Variants in SH2B3 observed in about 807,000 individuals in gnomAD.
SH2B3 encodes SH2B adapter protein 3.
SH2B3 carries 43 observed loss-of-function variants against 51.9 expected under a neutral mutation model. The ratio of observed to expected loss-of-function variants is 0.83; its 90% confidence interval spans 0.65 to 1.07. SH2B3 has a LOEUF of 1.07. SH2B3 is among the 50% of genes least tolerant of loss of function. The pLI is 0.00. For synonymous variants in SH2B3, 396 were observed against 376.0 expected, an observed-to-expected ratio of 1.05 and a Z score of -0.62; for missense variants, 952 against 834.3, an observed-to-expected ratio of 1.14 and a Z score of -1.74.
rs192820603 is a variant in SH2B3 at position 111,407,776 on chromosome 12, C to A, written c.-28+1499C>A. Among the ~76,000 whole-genome samples, 24 of 152,050 alleles carry A rather than the reference C, an allele frequency of 1.6e-4. No homozygotes were observed. Among genetic ancestry groups the A allele is most frequent in the Non-Finnish European group, 3.4e-4 (23 of 67,962 alleles). On this transcript the variant is annotated intron_variant, in intron 1 of 7. Coordinates refer to ENST00000341259, the MANE Select transcript of SH2B3 (RefSeq NM_005475.3). The surrounding 1 kb of genome is among the most constrained non-coding windows in gnomAD (Gnocchi z 4.3). ...CAGCTGGGAAGGGGCTGGCTCAGAG[C>A]ATCAGCAGCTGGGGGCTCAGGGTCT... is the stretch of plus-strand genomic sequence containing the variant.
upstream of SH2B3, among the ~76,000 whole-genome samples, chr12:111,404,885 G>A (rs999132861): frequency 2.6e-5 from 4 of 152,358 alleles, no homozygotes; most frequent in African/African-American, 9.6e-5. Flanking sequence ...CATTTGCCCG[G>A]GTAGGAAGAG....
chr12:111,409,584 C>T lies in SH2B3; in HGVS notation c.-28+3307C>T, dbSNP rs566408594. Among the ~76,000 whole-genome samples, 3 of 152,160 alleles carry T rather than the reference C, an allele frequency of 2.0e-5. No homozygotes were observed. Among genetic ancestry groups the T allele is most frequent in the Non-Finnish European group, 2.9e-5 (2 of 68,024 alleles). ...CCCACCCTTCCCAAGGAAACTGAGGCGGGCAGGCTGCCCAGGGGAAGTGAC... is the reference window on the plus strand; with the variant it reads ...CCCACCCTTCCCAAGGAAACTGAGGTGGGCAGGCTGCCCAGGGGAAGTGAC... On this transcript the variant is annotated intron_variant, in intron 1 of 7. Coordinates refer to ENST00000341259, the MANE Select transcript of SH2B3 (RefSeq NM_005475.3). The surrounding 1 kb of genome is among the most constrained non-coding windows in gnomAD (Gnocchi z 4.0).
intron 2 of SH2B3, among the ~76,000 whole-genome samples, chr12:111,424,007 G>C (rs1871779908): frequency 6.6e-6 from 1 of 152,234 alleles, no homozygotes; most frequent in Non-Finnish European, 1.5e-5. Context: ...AGCTACTACG[G>C]AGGCTGAGGC....
chr12:111,426,610 G>A (rs1872024882), intron 2 of SH2B3, among the ~76,000 whole-genome samples: 2 of 152,142 alleles, frequency 1.3e-5, no homozygotes, highest in African/African-American at 2.4e-5. Flanking sequence ...TTGCTTCTGA[G>A]GGCCCCTTCT....
At chr12:111,437,390 G>C (rs1409855760) in intron 2 of SH2B3, among the ~76,000 whole-genome samples, 1 of 152,152 alleles carries the variant, frequency 6.6e-6, no homozygotes, top group Admixed American at 6.5e-5. Flanking sequence ...TGTGGGGAAA[G>C]GGCACCTGAG....
chr12:111,433,204 A>G lies in SH2B3; in HGVS notation c.733-13549A>G, dbSNP rs915762929. ...CTGTCTCTACTAAAAATCAAAAATT[A>G]GCTGGGCGTGGTGGTGGATACCTTT... On this transcript the variant is annotated intron_variant, in intron 2 of 7. Coordinates refer to ENST00000341259, the MANE Select transcript of SH2B3 (RefSeq NM_005475.3). Among the ~76,000 whole-genome samples, 3 of 152,298 alleles carry G rather than the reference A, an allele frequency of 2.0e-5. No homozygotes were observed. The East Asian group carries it at 5.8e-4, about 29-fold the overall frequency.
At chr12:111,445,381 G>A (rs1490736175) in intron 2 of SH2B3, among the ~76,000 whole-genome samples, 10 of 152,200 alleles carry the variant, frequency 6.6e-5, no homozygotes, top group East Asian at 3.8e-4. Context: ...GGGCAAGAGC[G>A]CAGAGGCCCC....
rs1395194047 is a variant in SH2B3 at position 111,449,043 on chromosome 12, C to T, written c.*741C>T. The stretch of plus-strand genomic sequence containing the variant: ...CATGCTGGCTTGTCTACTGCATCCT[C>T]GGGACAGTCACCTGCCACTGAGTGG... On this transcript the variant is annotated 3_prime_UTR_variant, in exon 8 of 8. Coordinates refer to ENST00000341259, the MANE Select transcript of SH2B3 (RefSeq NM_005475.3). 2 of 152,624 alleles carry T rather than the reference C, an allele frequency of 1.3e-5. No individual in the cohort carries two copies. The highest frequency in any genetic ancestry group is 4.8e-5 in the African/African-American group (2 of 41,436). The allele number at this position is 152,624 out of a possible 1,614,324, so 9.5% of individuals were successfully genotyped here.
rs1187991360 is a variant in SH2B3, at chr12:111,418,627, C to T, written c.482C>T (p.Ala161Val). 2.7e-6 allele frequency: 4 copies of T among 1,475,916 alleles called. No individual in the cohort carries two copies. The highest frequency in any genetic ancestry group is 2.2e-4 in the Middle Eastern group (1 of 4,520). 91.4% of individuals were successfully genotyped at this position (1,475,916 alleles called of 1,614,324 possible). The change falls in exon 2 of 8, where the codon GCC becomes GTC. Residue 161 changes from alanine (A) to valine (V), a missense_variant. Transcript: ENST00000341259. The surrounding 1 kb of genome is among the most constrained non-coding windows in gnomAD (Gnocchi z 6.7). ...GAGCTGCCAGCGGCCCACACCGCTG[C>T]CGCCCCCGGGACCCCCGGAGAGGCT... Reference protein sequence around the residue: ...AGELPAAHTAAAPGTPGEAAE... With the variant: ...AGELPAAHTAVAPGTPGEAAE...
At chr12:111,441,700 T>C (rs190564440) in intron 2 of SH2B3, among the ~76,000 whole-genome samples, 7 of 152,248 alleles carry the variant, frequency 4.6e-5, no homozygotes, top group African/African-American at 1.2e-4. Flanking sequence ...GGGTAATGCA[T>C]GGGTTTAATA....
At chr12:111,433,677 C>T (rs1490032933) in intron 2 of SH2B3, among the ~76,000 whole-genome samples, 1 of 152,242 alleles carries the variant, frequency 6.6e-6, no homozygotes, top group East Asian at 1.9e-4. Flanking sequence ...ATCCTCCCAC[C>T]TCAGCCTCTT....
Position 111,447,132 on chromosome 12 carries a change from A to T in SH2B3, c.934A>T (p.Ser312Cys). The part of the protein sequence containing the change: ...LSECTGRGLE[S>C]TEAEMHIPSA... Reference sequence around the variant, plus strand: ...CAGCCTCTTCTCCAGCAGGCTGGAGAGCACAGAAGCAGAGATGCATATTCC... The same window carrying T: ...CAGCCTCTTCTCCAGCAGGCTGGAGTGCACAGAAGCAGAGATGCATATTCC... The change falls in exon 5 of 8, where the codon AGC becomes TGC. Residue 312 changes from serine to cysteine, a missense_variant. Physicochemically the swap from Ser to Cys is moderately radical, Grantham distance 112. Transcript: ENST00000341259. The T allele has an allele frequency of 1.2e-6, 2 of 1,613,638 alleles. No homozygotes were observed. Among genetic ancestry groups the T allele is most frequent in the Non-Finnish European group, 1.7e-6 (2 of 1,179,656 alleles).
At position 111,448,035 on chromosome 12, in the gene SH2B3, G is replaced by A; in HGVS notation, c.1461G>A (p.Glu487=). The change falls in exon 8 of 8, where the codon GAG becomes GAA. Residue 487 remains glutamate, a synonymous_variant. Transcript: ENST00000341259. ...TCTCCCTTCCTCACTGGGATTCAGA[G>A]TCCCTTCCTCACTGGGGTTCAGAGT... ...FPFSLPHWDS[E]SLPHWGSELG... is the part of the protein sequence containing the mutation. 1 of 1,611,094 alleles carries A rather than the reference G, an allele frequency of 6.2e-7. No homozygotes were observed. The highest frequency in any genetic ancestry group is 1.1e-5 in the South Asian group (1 of 90,598).
chr12:111,418,363 GCTA>G lies in SH2B3; in HGVS notation c.221_223del (p.Tyr74del). On this transcript the variant is annotated inframe_deletion, in exon 2 of 8. Transcript: ENST00000341259. The surrounding 1 kb of genome is among the most constrained non-coding windows in gnomAD (Gnocchi z 6.7). ...CTGCAGTTCACCGACCTCTTCCAGC[GCTA>G]CTTCTGCCGCGAGGTGCGCGACGGA... is the stretch of plus-strand genomic sequence containing the variant. 1 of 1,520,118 alleles carries G rather than the reference GCTA, an allele frequency of 6.6e-7. No homozygotes were observed. The highest frequency in any genetic ancestry group is 8.8e-7 in the Non-Finnish European group (1 of 1,139,722). The allele number at this position is 1,520,118 out of a possible 1,614,324, so 94.2% of individuals were successfully genotyped here. A position where few individuals can be genotyped will look rare whatever the true frequency, so the allele number is the denominator to read the frequency against.
intron 2 of SH2B3, among the ~76,000 whole-genome samples, chr12:111,440,858 C>T (rs1179136958): frequency 1.3e-5 from 2 of 152,236 alleles, no homozygotes; most frequent in Non-Finnish European, 2.9e-5. Context: ...TCCCAAGTCT[C>T]TCTTAAGGCT....
At chr12:111,425,148 G>A (rs1314485179) in intron 2 of SH2B3, among the ~76,000 whole-genome samples, 1 of 152,086 alleles carries the variant, frequency 6.6e-6, no homozygotes, top group Non-Finnish European at 1.5e-5. Context: ...CGGGCCTGTG[G>A]AGCAGGGTGA....
At chr12:111,405,422 T>G (rs980109943), upstream of SH2B3, among the ~76,000 whole-genome samples, 1 of 152,160 alleles carries the variant, frequency 6.6e-6, no homozygotes, top group Admixed American at 6.5e-5. The surrounding 1 kb of genome is among the most constrained non-coding windows in gnomAD (Gnocchi z 5.4). Flanking sequence ...GTGGTCGCTA[T>G]TGCACCGCCC....
intron 2 of SH2B3, among the ~76,000 whole-genome samples, chr12:111,421,483 A>G (rs1871558075): frequency 7.8e-6 from 1 of 128,616 alleles, no homozygotes; most frequent in South Asian, 2.3e-4. Context: ...ATCTCAGCTT[A>G]CTGCATCCTC....
chr12:111,418,152 G>C lies in SH2B3; in HGVS notation c.7G>C (p.Gly3Arg), dbSNP rs1396230188. ...CACCACCTGGGTCTCCGCCATGAAC[G>C]GGCCTGCCCTGCAGCCCTCCTCGCC... Reference protein sequence around the residue: MNGPALQPSSPSS... With the variant: MNRPALQPSSPSS... Residue 3 changes from glycine (G) to arginine (R), a missense_variant, in exon 2 of 8, where the codon GGG (glycine) becomes CGG (arginine). Transcript: ENST00000341259. This position sits in a 1 kb window ranked among gnomAD's most constrained non-coding sequence, Gnocchi z 6.7. 2 of 1,508,760 alleles carry C rather than the reference G, an allele frequency of 1.3e-6. No individual in the cohort carries two copies. Among genetic ancestry groups the C allele is most frequent in the East Asian group, 2.5e-5 (1 of 40,652 alleles). The allele number at this position is 1,508,760 out of a possible 1,614,324, so 93.5% of individuals were successfully genotyped here.
Sources: allele counts gnomAD v4.1 joint callset (sites outside exome capture counted in the v4.1 genomes callset), GRCh38; gene constraint gnomAD v4.1.1; non-coding constraint Gnocchi (gnomAD v3.1); transcripts MANE v1.5; gene names NCBI Gene and HGNC (gene_info 2026-07-23, HGNC 2026-07-21).